NLGN3: variants seen among roughly 807,000 people sequenced by gnomAD.
The protein encoded by NLGN3 is neuroligin-3.
In NLGN3, 11 loss-of-function variants were observed where a neutral mutation model predicts 42.9. That is an observed-to-expected ratio of 0.26 (90% CI 0.16 to 0.42). The LOEUF (loss-of-function observed/expected upper bound fraction) is 0.42, where lower values mean the gene tolerates loss of function less well. Ranked by LOEUF, NLGN3 falls within the 10% of genes least tolerant of loss-of-function variation. The pLI is 1.00. For missense variants in NLGN3, 374 were observed against 733.8 expected (o/e 0.51, Z 5.67); for synonymous variants, 279 against 312.7 (o/e 0.89, Z 1.14).
chrX:71,150,713 AAAAAAAAAAG>A lies in NLGN3; in HGVS notation c.517+1812_517+1821del, dbSNP rs1234944085. 4.6e-3 allele frequency among the ~76,000 whole-genome samples: 504 copies of A among 108,672 alleles called. 2 individuals carry two copies. Among genetic ancestry groups the A allele is most frequent in the African/African-American group, 0.016 (489 of 29,807 alleles). The allele number at this position is 108,672 out of a possible 115,157, so 94.4% of individuals were successfully genotyped here. A position where few individuals can be genotyped will look rare whatever the true frequency, so the allele number is the denominator to read the frequency against. On this transcript the variant is annotated intron_variant, in intron 3 of 7. Coordinates refer to ENST00000358741, the MANE Select transcript of NLGN3 (RefSeq NM_181303.2). ...CGAGACTCCATCTCAAAAAAAAAAA[AAAAAAAAAAG>A]AAAGAAAAGAAAAGAAAAAAACCTG...
At position 71,147,795 on chromosome X, in the gene NLGN3, C is replaced by T; in HGVS notation, c.46C>T (p.Pro16Ser). 8.3e-7 allele frequency: 1 copy of T among 1,210,301 alleles called. No homozygotes were observed. The highest frequency in any genetic ancestry group is 1.1e-6 in the Non-Finnish European group (1 of 894,990). ...GCCCTCGCTGTCCCTGAGCCCCAAGCCCACGGTTGGCAGGAGCCTGTGCCT... is the reference window on the plus strand; with the variant it reads ...GCCCTCGCTGTCCCTGAGCCCCAAGTCCACGGTTGGCAGGAGCCTGTGCCT... ...GPPSLSLSPK[P>S]TVGRSLCLTL... The change falls in exon 2 of 8, where the codon CCC (proline) becomes TCC (serine). Residue 16 changes from proline (P) to serine (S), a missense_variant. By Grantham distance (74) the Pro-to-Ser change is moderately conservative. Coordinates refer to ENST00000358741, the MANE Select transcript of NLGN3 (RefSeq NM_181303.2).
rs752742303 is a variant in NLGN3, at chrX:71,170,061, C to T, written c.2511C>T (p.Thr837=). 3.8e-5 allele frequency: 46 copies of T among 1,206,836 alleles called. No individual in the cohort carries two copies. The highest frequency in any genetic ancestry group is 1.1e-4 in the Admixed American group (5 of 45,377). The part of the protein sequence containing the change: ...YNTFAAGFNS[T]GLPHSHSTTR... ...CCTTTGCCGCAGGGTTCAACAGTAC[C>T]GGGCTGCCCCACTCACACTCCACTA... Residue 837 remains threonine (T), a synonymous_variant, in exon 8 of 8, where the codon ACC becomes ACT. Transcript: ENST00000358741.
intron 6 of NLGN3, among the ~76,000 whole-genome samples, chrX:71,165,687 G>A (rs1022121870): frequency 6.3e-5 from 7 of 110,504 alleles, no homozygotes; most frequent in Admixed American, 9.7e-5. Context: ...TACCATGCCC[G>A]GCTAATTTTG....
At chrX:71,154,747 G>A (rs955576542) in intron 4 of NLGN3, among the ~76,000 whole-genome samples, 32 of 111,377 alleles carry the variant, frequency 2.9e-4, no homozygotes, top group African/African-American at 1.0e-3. Context: ...GCACTGGGGG[G>A]CCAGCTGCTG....
At chrX:71,153,637 T>A in intron 4 of NLGN3, 101 bp downstream of exon 4, 1 of 802,867 alleles carries the variant, frequency 1.2e-6, no homozygotes, top group Non-Finnish European at 1.8e-6. Flanking sequence ...TGTCCGTTGG[T>A]GTGTTTCTGT....
chrX:71,159,835 G>A lies in NLGN3; in HGVS notation c.728-4308G>A, dbSNP rs758095152. Among the ~76,000 whole-genome samples, 8 of 104,675 alleles carry A rather than the reference G, an allele frequency of 7.6e-5. No homozygotes were observed. In the East Asian group the frequency reaches 2.1e-3, roughly 27 times the overall value. The allele number at this position is 104,675 out of a possible 115,157, so 90.9% of individuals were successfully genotyped here. A position where few individuals can be genotyped will look rare whatever the true frequency, so the allele number is the denominator to read the frequency against. On this transcript the variant is annotated intron_variant, in intron 5 of 7. Coordinates refer to ENST00000358741, the MANE Select transcript of NLGN3 (RefSeq NM_181303.2). ...CTGCCGCCGGGTTCAAGCGATTCTC[G>A]TGCCTCAGCCTCTGGAGTATCTGGG... is the stretch of plus-strand genomic sequence containing the variant.
At position 71,147,892 on chromosome X, in the gene NLGN3, T is replaced by C. The variant is rs2092376469; in HGVS notation, c.143T>C (p.Phe48Ser). ...CCAGCACCCACAGTCAACACTCACTTTGGGAAGCTAAGGGGTGCCCGAGTA... is the reference window on the plus strand; with the variant it reads ...CCAGCACCCACAGTCAACACTCACTCTGGGAAGCTAAGGGGTGCCCGAGTA... ...QAPAPTVNTH[F>S]GKLRGARVPL... Residue 48 changes from phenylalanine to serine, a missense_variant, in exon 2 of 8, where the codon TTT becomes TCT. Physicochemically the swap from Phe to Ser is radical, Grantham distance 155. Around this residue, in one of 6 missense-constraint regions of NLGN3, gnomAD observed 109 missense variants for 173.3 expected, o/e 0.63. Transcript: ENST00000358741. 8.3e-7 allele frequency: 1 copy of C among 1,208,062 alleles called. No individual in the cohort carries two copies. The highest frequency in any genetic ancestry group is 1.8e-5 in the South Asian group (1 of 56,306).
Position 71,167,343 on chromosome X carries a change from G to A in NLGN3, c.1246G>A (p.Gly416Arg). Residue 416 changes from glycine (G) to arginine (R), a missense_variant, in exon 7 of 8, where the codon GGG becomes AGG. This residue lies in a region of NLGN3 where 142 missense variants were observed against 359.1 expected (regional missense o/e 0.40). Transcript: ENST00000358741. ...NQGEGLKFVE[G>R]VVDPEDGVSG... ...GGGCGAGGGTCTCAAGTTTGTGGAA[G>A]GGGTGGTGGACCCTGAGGATGGTGT... The A allele has an allele frequency of 1.7e-6, 2 of 1,211,853 alleles. No individual in the cohort carries two copies. The highest frequency in any genetic ancestry group is 2.2e-6 in the Non-Finnish European group (2 of 895,379).
In NLGN3 at chrX:71,169,283, C is replaced by G. The variant is rs759266915; in HGVS notation, c.1733C>G (p.Thr578Ser). Residue 578 changes from threonine to serine, a missense_variant, in exon 8 of 8, where the codon ACC (threonine) becomes AGC (serine). By Grantham distance (58) the Thr-to-Ser change is moderately conservative (BLOSUM62 1). Around this residue, in one of 6 missense-constraint regions of NLGN3, gnomAD observed 142 missense variants for 359.1 expected, o/e 0.40. Transcript: ENST00000358741. ...GDPNKPVPQD[T>S]KFIHTKANRF... Reference sequence around the variant, plus strand: ...CCCAACAAGCCGGTCCCCCAGGACACCAAGTTCATTCACACCAAGGCCAAC... The same window carrying G: ...CCCAACAAGCCGGTCCCCCAGGACAGCAAGTTCATTCACACCAAGGCCAAC... The G allele has an allele frequency of 8.3e-7, 1 of 1,211,305 alleles. No homozygotes were observed. Among genetic ancestry groups the G allele is most frequent in the Admixed American group, 2.2e-5 (1 of 45,981 alleles).
chrX:71,147,496 C>G (rs1465548465), intron 1 of NLGN3, 54 bp from the exon 2 acceptor site: 5 of 432,077 alleles, frequency 1.2e-5, no homozygotes, highest in Non-Finnish European at 1.2e-5. Flanking sequence ...CAAAGACCAA[C>G]TCTGTTGCCC....
At chrX:71,159,726 CT>C (rs11456013) in intron 5 of NLGN3, among the ~76,000 whole-genome samples, 58 of 98,524 alleles carry the variant, frequency 5.9e-4, no homozygotes, top group African/African-American at 9.0e-4. Flanking sequence ...ATTTTCTTTT[CT>C]TTTTTTTTTT....
intron 3 of NLGN3, among the ~76,000 whole-genome samples, chrX:71,150,643 A>C (rs1253236315): frequency 1.3e-4 from 14 of 103,866 alleles, no homozygotes; most frequent in African/African-American, 4.9e-4. Context: ...CAGAGCTTGC[A>C]GTGAGCCGAG....
chrX:71,167,177 G>A lies in NLGN3; in HGVS notation c.1080G>A (p.Leu360=). 8.3e-7 allele frequency: 1 copy of A among 1,211,927 alleles called. No individual in the cohort carries two copies. Residue 360 remains leucine (L), a synonymous_variant, in exon 7 of 8, where the codon CTG becomes CTA. Transcript: ENST00000358741. ...DCLRQKSAKE[L]VEQDIQPARY... ...TTCGGCAAAAGAGTGCCAAGGAGCTGGTAGAGCAGGACATCCAGCCAGCCC... is the reference window on the plus strand; with the variant it reads ...TTCGGCAAAAGAGTGCCAAGGAGCTAGTAGAGCAGGACATCCAGCCAGCCC...
chrX:71,168,615 C>T (rs761592364), intron 7 of NLGN3, among the ~76,000 whole-genome samples: 17 of 105,131 alleles, frequency 1.6e-4, no homozygotes, highest in African/African-American at 2.4e-4. Context: ...CCTGTAGTCC[C>T]GGCTACCTAG....
intron 6 of NLGN3, among the ~76,000 whole-genome samples, chrX:71,164,558 T>C (rs1212304202): frequency 1.8e-5 from 2 of 112,469 alleles, no homozygotes; most frequent in African/African-American, 6.4e-5. Flanking sequence ...AGATTCTCCT[T>C]CTGATGTGGG....
At chrX:71,157,875 G>A (rs943259955) in intron 5 of NLGN3, among the ~76,000 whole-genome samples, 3 of 109,125 alleles carry the variant, frequency 2.7e-5, no homozygotes, top group East Asian at 2.9e-4. Context: ...GGCCATTCAC[G>A]CTGGCCTCCC....
intron 3 of NLGN3, 47 bp downstream of exon 3, chrX:71,148,952 T>C: frequency 1.2e-6 from 1 of 824,495 alleles, no homozygotes; most frequent in Non-Finnish European, 1.7e-6. Context: ...GAGGGAGGGC[T>C]GCCTGCCCAC....
chrX:71,172,114 G>C (rs1725418463), downstream of NLGN3, among the ~76,000 whole-genome samples: 1 of 111,777 alleles, frequency 8.9e-6, no homozygotes, highest in Admixed American at 9.5e-5. Flanking sequence ...GGCAGTGATT[G>C]ACTTGACACA....
At chrX:71,175,265 C>G (rs1390780362), downstream of NLGN3, among the ~76,000 whole-genome samples, 1 of 111,404 alleles carries the variant, frequency 9.0e-6, no homozygotes, top group African/African-American at 3.3e-5. Context: ...CTTTTCCTTC[C>G]TTTTTTATGA....
Sources: gnomAD v4.1 joint callset for allele counts (sites outside exome capture counted in the v4.1 genomes callset) on GRCh38, gnomAD v4.1.1 for gene constraint, gnomAD v4.1.1 regional missense constraint, MANE v1.5 for transcripts, NCBI Gene and HGNC (gene_info 2026-07-23, HGNC 2026-07-21) for gene names.